CLSTN2: variants seen among roughly 807,000 people sequenced by gnomAD.
CLSTN2 encodes the protein calsyntenin 2, also known as calsyntenin-2.
CLSTN2 carries 48 observed loss-of-function variants against 101.2 expected under a neutral mutation model. The ratio of observed to expected loss-of-function variants is 0.47; its 90% CI spans 0.38 to 0.60. CLSTN2 has a LOEUF of 0.60. CLSTN2 is among the 20% of genes least tolerant of loss of function. CLSTN2 has a pLI of 0.00. For synonymous variants in CLSTN2, 481 were observed against 463.6 expected (o/e 1.04, Z -0.48); for missense variants, 1,160 against 1,238.2 (o/e 0.94, Z 0.95).
intron 1 of CLSTN2, among the ~76,000 whole-genome samples, chr3:140,013,362 G>A (rs2007128359): frequency 6.6e-6 from 1 of 152,232 alleles, no homozygotes; most frequent in Admixed American, 6.5e-5. Context: ...GCCACATGTG[G>A]TGACAGCAGA....
intron 13 of CLSTN2, 76 bp from the exon 14 acceptor site, chr3:140,562,735 A>T (rs1173267549): frequency 6.6e-7 from 1 of 1,507,148 alleles, no homozygotes; most frequent in Non-Finnish European, 9.1e-7. Context: ...TTGTACCACA[A>T]GCCCTGGCTT....
In CLSTN2 at chr3:140,504,885, T is replaced by TTCAA. The variant is rs143566342; in HGVS notation, c.1345-27435_1345-27432dup. On this transcript the variant is annotated intron_variant, in intron 8 of 16. Coordinates refer to ENST00000458420, the MANE Select transcript of CLSTN2 (RefSeq NM_022131.3). ...GGGAGGGGAAAGAGTATTACTGGAT[T>TTCAA]TCAATCAGTTTCCAGAGCTTTATAT... 9.4e-3 allele frequency among the ~76,000 whole-genome samples: 1,429 copies of TTCAA among 152,238 alleles called. 20 individuals are homozygous for TTCAA. Among genetic ancestry groups the TTCAA allele is most frequent in the African/African-American group, 0.032 (1,332 of 41,536 alleles).
chr3:140,403,505 C>T (rs1412649627), intron 2 of CLSTN2, 124 bp from the exon 3 acceptor site: 6 of 814,228 alleles, frequency 7.4e-6, no homozygotes, highest in Non-Finnish European at 1.2e-5. Context: ...GCTCGTGGAC[C>T]ACACTATGTG....
At chr3:140,271,768 T>C (rs1362281120) in intron 2 of CLSTN2, among the ~76,000 whole-genome samples, 2 of 152,230 alleles carry the variant, frequency 1.3e-5, no homozygotes, top group Non-Finnish European at 2.9e-5. Flanking sequence ...ATGTGTTCAT[T>C]AGCACATGAA....
intron 2 of CLSTN2, among the ~76,000 whole-genome samples, chr3:140,302,199 A>T (rs1201963983): frequency 6.6e-6 from 1 of 152,134 alleles, no homozygotes; most frequent in African/African-American, 2.4e-5. Flanking sequence ...TTGTTTTTCC[A>T]TTTAGAAAAA....
At position 140,040,262 on chromosome 3, in the gene CLSTN2, G is replaced by A. The variant is rs1304723136; in HGVS notation, c.109+104779G>A. Among the ~76,000 whole-genome samples the A allele has an allele frequency of 3.3e-5, 5 of 152,054 alleles. No homozygotes were observed. In the East Asian group the frequency reaches 7.7e-4, roughly 24 times the overall value. On this transcript the variant is annotated intron_variant, in intron 1 of 16. Transcript: ENST00000458420. ...CTCACCCTGAAACAGATGGCACTGC[G>A]CTATCCGTGTGCTCTCTAGCTCCTC...
At chr3:140,275,136 A>T (rs2086781641) in intron 2 of CLSTN2, among the ~76,000 whole-genome samples, 1 of 152,196 alleles carries the variant, frequency 6.6e-6, no homozygotes, top group Non-Finnish European at 1.5e-5. Context: ...CAACTCCGAG[A>T]TTTAACTTAC....
At chr3:140,180,763 A>T (rs2107831441) in intron 2 of CLSTN2, among the ~76,000 whole-genome samples, 1 of 152,016 alleles carries the variant, frequency 6.6e-6, no homozygotes. Flanking sequence ...AAGCTGGGTG[A>T]CTCTCTGAGG....
intron 2 of CLSTN2, among the ~76,000 whole-genome samples, chr3:140,254,278 C>T (rs2086587554): frequency 6.6e-6 from 1 of 152,122 alleles, no homozygotes; most frequent in African/African-American, 2.4e-5. Context: ...GGGGATTCTG[C>T]ACCAGAGAAA....
chr3:140,045,362 G>A (rs539896243), intron 1 of CLSTN2, among the ~76,000 whole-genome samples: 12 of 152,256 alleles, frequency 7.9e-5, no homozygotes, highest in Admixed American at 7.8e-4. Flanking sequence ...TGTGGGATCG[G>A]TGGTGATATC....
At chr3:140,163,918 A>G (rs973522426) in intron 1 of CLSTN2, among the ~76,000 whole-genome samples, 4 of 152,022 alleles carry the variant, frequency 2.6e-5, no homozygotes, top group African/African-American at 9.7e-5. Context: ...AAAGTTTTAG[A>G]CAATTACATT....
chr3:140,053,116 T>G (rs1381254157), intron 1 of CLSTN2, among the ~76,000 whole-genome samples: 1 of 152,122 alleles, frequency 6.6e-6, no homozygotes, highest in Non-Finnish European at 1.5e-5. Flanking sequence ...AGGGAGGACA[T>G]GAAGCCTGAA....
chr3:140,525,846 A>G (rs991519298), intron 8 of CLSTN2, among the ~76,000 whole-genome samples: 42 of 152,184 alleles, frequency 2.8e-4, no homozygotes, highest in Non-Finnish European at 1.5e-5. Context: ...ATAGATGCAG[A>G]AAAAGCCTTT....
chr3:140,046,004 G>T (rs991696972), intron 1 of CLSTN2, among the ~76,000 whole-genome samples: 8 of 152,210 alleles, frequency 5.3e-5, no homozygotes, highest in Non-Finnish European at 1.0e-4. Flanking sequence ...GTTGATTAGG[G>T]TGGAGAGTTC....
chr3:140,157,846 G>T (rs1357175504), intron 1 of CLSTN2, among the ~76,000 whole-genome samples: 1 of 152,200 alleles, frequency 6.6e-6, no homozygotes, highest in Non-Finnish European at 1.5e-5. Flanking sequence ...TGGGATGCAA[G>T]GCTGGTTCAA....
intron 9 of CLSTN2, among the ~76,000 whole-genome samples, chr3:140,543,514 CA>C (rs1299233063): frequency 6.6e-6 from 1 of 152,168 alleles, no homozygotes; most frequent in Admixed American, 6.5e-5. Context: ...CACTGTGGGT[CA>C]AAATGGCTCA....
rs1985466856 is a variant in CLSTN2, at chr3:140,569,788, C to G, written c.*3535C>G. ...CCACCTCCCGGGTTCAAGCGAGTTT[C>G]CTGCCTCAGACTCCCGAGTAGCTGG... is the stretch of plus-strand genomic sequence containing the variant. On this transcript the variant is annotated 3_prime_UTR_variant, in exon 17 of 17. Coordinates refer to ENST00000458420, the MANE Select transcript of CLSTN2 (RefSeq NM_022131.3). 6.6e-6 allele frequency: 1 copy of G among 152,236 alleles called. No individual in the cohort carries two copies. The highest frequency in any genetic ancestry group is 2.4e-5 in the African/African-American group (1 of 41,438). 9.4% of individuals were successfully genotyped at this position (152,236 alleles called of 1,614,324 possible).
chr3:140,310,861 C>T (rs764977565), intron 2 of CLSTN2, among the ~76,000 whole-genome samples: 10 of 152,274 alleles, frequency 6.6e-5, no homozygotes, highest in South Asian at 2.1e-4. Flanking sequence ...TTTATGTATT[C>T]GTTATTCAAT....
intron 2 of CLSTN2, among the ~76,000 whole-genome samples, chr3:140,360,968 C>A (rs1471455033): frequency 6.6e-6 from 1 of 152,126 alleles, no homozygotes; most frequent in African/African-American, 2.4e-5. Context: ...CAAACTCTTT[C>A]AGGAAATAGA....
Sources: gnomAD v4.1 joint callset for allele counts (sites outside exome capture counted in the v4.1 genomes callset) on GRCh38, gnomAD v4.1.1 for gene constraint, MANE v1.5 for transcripts, NCBI Gene and HGNC (gene_info 2026-07-23, HGNC 2026-07-21) for gene names.